The following MTUS1 variants were observed in gnomAD, a reference collection of about 807,000 sequenced individuals.
MTUS1 encodes the protein microtubule-associated tumor suppressor 1.
MTUS1 carries 109 observed loss-of-function variants against 120.8 expected under a neutral mutation model. That is an observed-to-expected ratio of 0.90 (90% confidence interval 0.77 to 1.06). The LOEUF (loss-of-function observed/expected upper bound fraction) is 1.06. MTUS1 is among the 50% of genes least tolerant of loss of function. MTUS1 has a pLI of 0.00. For missense variants in MTUS1, 2,210 were observed against 1,486.3 expected, an observed-to-expected ratio of 1.49 and a Z score of -8.01; for synonymous variants, 737 against 550.5, an observed-to-expected ratio of 1.34 and a Z score of -4.74.
intron 3 of MTUS1, among the ~76,000 whole-genome samples, chr8:17,737,859 G>T (rs142384947): frequency 6.6e-6 from 1 of 152,266 alleles, no homozygotes; most frequent in Non-Finnish European, 1.5e-5. Flanking sequence ...TCAAGTATGT[G>T]AAAAATCTCT....
intron 1 of MTUS1, among the ~76,000 whole-genome samples, chr8:17,798,499 A>AT (rs1357864934): frequency 6.6e-6 from 1 of 151,944 alleles, no homozygotes; most frequent in Non-Finnish European, 1.5e-5. Flanking sequence ...CAATTGACTA[A>AT]TTTTTTGTAT....
chr8:17,645,242 C>G lies in MTUS1; in HGVS notation c.*684G>C, dbSNP rs557658997. 8 of 152,690 alleles carry G rather than the reference C, an allele frequency of 5.2e-5. No individual in the cohort carries two copies. The East Asian group carries it at 9.7e-4, about 18-fold the overall frequency. The allele number at this position is 152,690 out of a possible 1,614,324, so 9.5% of individuals were successfully genotyped here. A position where few individuals can be genotyped will look rare whatever the true frequency, so the allele number is the denominator to read the frequency against. On this transcript the variant is annotated 3_prime_UTR_variant, in exon 15 of 15. Coordinates refer to ENST00000693296, the MANE Select transcript of MTUS1 (RefSeq NM_001363059.2). ...GCCAAGAAGTTACCCCCAAAAGATA[C>G]AGAGAATGTATAGACAGGGACAAGT...
At position 17,655,959 on chromosome 8, in the gene MTUS1, C is replaced by T. The variant is rs765127938; in HGVS notation, c.3012G>A (p.Glu1004=). 3.7e-6 allele frequency: 6 copies of T among 1,614,240 alleles called. No homozygotes were observed. Among genetic ancestry groups the T allele is most frequent in the Non-Finnish European group, 4.2e-6 (5 of 1,180,036 alleles). The change falls in exon 9 of 15, where the codon GAG becomes GAA. Residue 1004 remains glutamate (E), a synonymous_variant. Transcript: ENST00000693296. The part of the protein sequence containing the change: ...QQHQAEKTER[E]NRLKEFYTRE... ...TGGTGTAAAACTCTTTAAGCCGATT[C>T]TCTCGTTCTGTTTTTTCAGCCTGGT...
intron 1 of MTUS1, among the ~76,000 whole-genome samples, chr8:17,774,704 G>A (rs1023363707): frequency 2.0e-5 from 3 of 152,072 alleles, no homozygotes; most frequent in African/African-American, 7.2e-5. Flanking sequence ...GATAAACATA[G>A]AATTGCCATA....
intron 1 of MTUS1, among the ~76,000 whole-genome samples, chr8:17,774,669 A>G (rs994608388): frequency 1.3e-5 from 2 of 152,158 alleles, no homozygotes; most frequent in Non-Finnish European, 2.9e-5. Flanking sequence ...CAGCTATGGA[A>G]AACAATTCTG....
In MTUS1 at chr8:17,729,030, A is replaced by G. The variant is rs192003736; in HGVS notation, c.2288-5197T>C. Among the ~76,000 whole-genome samples, 381 of 152,348 alleles carry G rather than the reference A, an allele frequency of 2.5e-3. 1 individual carries two copies. Among genetic ancestry groups the G allele is most frequent in the African/African-American group, 8.7e-3 (362 of 41,582 alleles). The stretch of plus-strand genomic sequence containing the variant: ...ACTAACTACTAAGTAAGAAAGAGAA[A>G]ATGCCAAACTAACAGACACAGTTAA... On this transcript the variant is annotated intron_variant, in intron 3 of 14. Transcript: ENST00000693296.
intron 1 of MTUS1, among the ~76,000 whole-genome samples, chr8:17,759,689 T>C (rs2048889560): frequency 6.7e-6 from 1 of 149,738 alleles, no homozygotes; most frequent in Non-Finnish European, 1.5e-5. Flanking sequence ...TGAGTTTTGC[T>C]TTTAAGACTC....
Position 17,754,146 on chromosome 8 carries a change from G to A in MTUS1, c.1662C>T (p.Ser554=). Residue 554 remains serine, a synonymous_variant, in exon 2 of 15, where the codon AGC becomes AGT. Coordinates refer to ENST00000693296, the MANE Select transcript of MTUS1 (RefSeq NM_001363059.2). ...SVNSRQQTVL[S]RTPRSDLNAD... ...CATTCAAGTCAGATCTCGGTGTTCT[G>A]CTCAAGACTGTTTGTTGTCTTGAAT... 1 of 1,613,494 alleles carries A rather than the reference G, an allele frequency of 6.2e-7. No individual in the cohort carries two copies.
chr8:17,752,076 C>A (rs2048244254), intron 2 of MTUS1, among the ~76,000 whole-genome samples: 2 of 152,124 alleles, frequency 1.3e-5, no homozygotes, highest in South Asian at 4.2e-4. Context: ...CTATCCTTAC[C>A]TCAGTACCAC....
intron 8 of MTUS1, among the ~76,000 whole-genome samples, chr8:17,658,024 G>GAC (rs58132896): frequency 0.016 from 2,291 of 140,486 alleles, 32 homozygotes; most frequent in African/African-American, 0.035. Context: ...TATATATATA[G>GAC]ACACACACAC....
At chr8:17,795,569 C>T (rs2052156441) in intron 1 of MTUS1, among the ~76,000 whole-genome samples, 1 of 152,138 alleles carries the variant, frequency 6.6e-6, no homozygotes, top group Non-Finnish European at 1.5e-5. Flanking sequence ...AATAAAGCTT[C>T]TAGGTTAGAA....
At chr8:17,719,074 G>A (rs1585929156) in intron 4 of MTUS1, among the ~76,000 whole-genome samples, 1 of 152,234 alleles carries the variant, frequency 6.6e-6, no homozygotes, top group East Asian at 1.9e-4. Context: ...GGAGGCTGAG[G>A]TGGGAGAACT....
At chr8:17,729,224 C>G (rs2131159215) in intron 3 of MTUS1, among the ~76,000 whole-genome samples, 1 of 152,196 alleles carries the variant, frequency 6.6e-6, no homozygotes. Flanking sequence ...TCAGGGGAAA[C>G]TTAAAAGTGA....
At chr8:17,693,773 T>C (rs568108164) in intron 6 of MTUS1, among the ~76,000 whole-genome samples, 26 of 152,304 alleles carry the variant, frequency 1.7e-4, no homozygotes, top group African/African-American at 5.8e-4. Context: ...CTCTGTCTCC[T>C]TCTGTTAAAC....
chr8:17,671,147 G>A (rs780013642), intron 8 of MTUS1, among the ~76,000 whole-genome samples: 22 of 152,116 alleles, frequency 1.4e-4, no homozygotes, highest in African/African-American at 3.4e-4. Context: ...TTAAAAAATC[G>A]TAGTATGAAG....
intron 5 of MTUS1, among the ~76,000 whole-genome samples, chr8:17,714,080 A>G (rs1474579812): frequency 6.6e-6 from 1 of 152,134 alleles, no homozygotes; most frequent in Non-Finnish European, 1.5e-5. Context: ...TGCTGTGTGG[A>G]TCATGGGGCT....
chr8:17,794,282 C>G (rs1173049441), intron 1 of MTUS1, among the ~76,000 whole-genome samples: 2 of 151,936 alleles, frequency 1.3e-5, no homozygotes, highest in African/African-American at 2.4e-5. Context: ...GAGCCAAGAT[C>G]ACGCCACTGC....
intron 6 of MTUS1, among the ~76,000 whole-genome samples, chr8:17,696,484 C>A (rs1445718274): frequency 6.6e-6 from 1 of 152,172 alleles, no homozygotes; most frequent in Admixed American, 6.5e-5. Context: ...TATAAAAACA[C>A]CCCAGCTAAC....
At chr8:17,742,907 G>C (rs1353702352) in intron 3 of MTUS1, among the ~76,000 whole-genome samples, 1 of 152,144 alleles carries the variant, frequency 6.6e-6, no homozygotes, top group Non-Finnish European at 1.5e-5. Flanking sequence ...GGCTGTACCG[G>C]CAGAAGTAAG....
Sources: gnomAD v4.1 joint callset for allele counts (sites outside exome capture counted in the v4.1 genomes callset) on GRCh38, gnomAD v4.1.1 for gene constraint, MANE v1.5 for transcripts, NCBI Gene and HGNC (gene_info 2026-07-23, HGNC 2026-07-21) for gene names.